The following ARHGEF3 variants were observed in gnomAD, a reference collection of about 807,000 sequenced individuals.
ARHGEF3 encodes the protein 59.8 kDA protein.
A neutral mutation model predicts 63.2 loss-of-function variants in ARHGEF3; 28 were observed. The ratio of observed to expected loss-of-function variants is 0.44; its 90% CI spans 0.33 to 0.61. ARHGEF3 has a LOEUF of 0.61. Among genes scored for constraint, ARHGEF3 ranks in the 20% least tolerant of loss-of-function variants. The probability of loss-of-function intolerance (pLI) is 0.03; values close to 1 mark genes in which losing one functional copy is unlikely to be tolerated. For synonymous variants in ARHGEF3, 266 were observed against 254.2 expected (o/e 1.05, Z -0.44); for missense variants, 533 against 659.3 (o/e 0.81, Z 2.10).
intron 3 of ARHGEF3, among the ~76,000 whole-genome samples, chr3:56,923,827 C>G (rs1407104155): frequency 6.6e-6 from 1 of 152,158 alleles, no homozygotes; most frequent in Non-Finnish European, 1.5e-5. Flanking sequence ...TCCCTTAATT[C>G]AGAATCAGAA....
At chr3:56,730,728 G>A (rs189542332) in intron 9 of ARHGEF3, among the ~76,000 whole-genome samples, 10 of 152,252 alleles carry the variant, frequency 6.6e-5, no homozygotes, top group South Asian at 6.2e-4. Flanking sequence ...AGGGCCCTGC[G>A]TGCCACATGC....
intron 1 of ARHGEF3, among the ~76,000 whole-genome samples, chr3:57,042,700 A>ATTTTTTTTTTTTTT (rs869145503): frequency 4.8e-4 from 32 of 66,092 alleles, no homozygotes; most frequent in South Asian, 1.7e-3. Context: ...ATATATATAT[A>ATTTTTTTTTTTTTT]TTTTTTTTTT....
At chr3:57,000,211 C>A (rs530687744) in intron 2 of ARHGEF3, among the ~76,000 whole-genome samples, 2 of 152,104 alleles carry the variant, frequency 1.3e-5, no homozygotes, top group African/African-American at 2.4e-5. Flanking sequence ...GAGCGCCCCA[C>A]GTATCTTCAG....
In ARHGEF3 at chr3:57,036,061, T is replaced by C. The variant is rs577478069; in HGVS notation, c.-27-885A>G. On this transcript the variant is annotated intron_variant, in intron 1 of 12. Transcript: ENST00000338458. ...GTTATTTGGAGCTTGGTACACACTATGTATGTAGAGACAGGTGAGGCCAAA... is the reference window on the plus strand; with the variant it reads ...GTTATTTGGAGCTTGGTACACACTACGTATGTAGAGACAGGTGAGGCCAAA... Among the ~76,000 whole-genome samples, 197 of 152,276 alleles carry C rather than the reference T, an allele frequency of 1.3e-3. 2 individuals carry two copies. The highest frequency in any genetic ancestry group is 4.5e-3 in the African/African-American group (186 of 41,552).
At chr3:56,966,873 T>TA (rs1700519460) in intron 2 of ARHGEF3, among the ~76,000 whole-genome samples, 1 of 150,726 alleles carries the variant, frequency 6.6e-6, no homozygotes. Flanking sequence ...TTATTATTAT[T>TA]TTTTATTGAG....
intron 1 of ARHGEF3, among the ~76,000 whole-genome samples, chr3:56,801,069 C>T (rs2037626069): frequency 6.6e-6 from 1 of 152,226 alleles, no homozygotes; most frequent in Non-Finnish European, 1.5e-5. Context: ...GGCAGCTTTC[C>T]ATTGACCCTA....
At chr3:56,909,434 C>T (rs1009399403) in intron 3 of ARHGEF3, among the ~76,000 whole-genome samples, 15 of 152,230 alleles carry the variant, frequency 9.9e-5, no homozygotes, top group African/African-American at 3.4e-4. Flanking sequence ...TCCCCAGCAT[C>T]AGGGATGGTT....
chr3:56,876,857 G>A (rs1422084014), intron 4 of ARHGEF3, among the ~76,000 whole-genome samples: 7 of 152,126 alleles, frequency 4.6e-5, no homozygotes. Context: ...CCCTGTCAGG[G>A]GCTTTCCTAA....
intron 2 of ARHGEF3, among the ~76,000 whole-genome samples, chr3:56,966,871 A>AT (rs1700519284): frequency 7.3e-6 from 1 of 137,414 alleles, no homozygotes; most frequent in Non-Finnish European, 1.6e-5. Context: ...TATTATTATT[A>AT]TTTTTTATTG....
At chr3:56,738,451 C>T (rs974492740) in intron 7 of ARHGEF3, among the ~76,000 whole-genome samples, 4 of 151,808 alleles carry the variant, frequency 2.6e-5, no homozygotes, top group Non-Finnish European at 5.9e-5. Context: ...GGATTACAAG[C>T]GTGAGCCACC....
At chr3:57,069,082 C>A (rs1042514952) in intron 1 of ARHGEF3, among the ~76,000 whole-genome samples, 1 of 152,046 alleles carries the variant, frequency 6.6e-6, no homozygotes, top group Non-Finnish European at 1.5e-5. Flanking sequence ...ACCACCACGT[C>A]TGGATAATTT....
At position 56,992,044 on chromosome 3, in the gene ARHGEF3, G is replaced by C. The variant is rs957693908; in HGVS notation, c.63-33155C>G. ...TCTCTCTGTGTGTGTGTGTGTGTGT[G>C]TGTGTGTGTGTGTGTGTGTGTGTGT... is the stretch of plus-strand genomic sequence containing the variant. On this transcript the variant is annotated intron_variant, in intron 2 of 12. Transcript: ENST00000338458. Among the ~76,000 whole-genome samples, 33 of 151,244 alleles carry C rather than the reference G, an allele frequency of 2.2e-4. 2 individuals are homozygous for C. The South Asian group carries it at 3.0e-3, about 14-fold the overall frequency.
At chr3:57,039,064 G>A (rs141066326) in intron 1 of ARHGEF3, among the ~76,000 whole-genome samples, 1 of 152,206 alleles carries the variant, frequency 6.6e-6, no homozygotes, top group African/African-American at 2.4e-5. Flanking sequence ...GGAAAGTTTC[G>A]TGTTAATCTA....
At chr3:56,928,597 G>A (rs2042335329) in intron 3 of ARHGEF3, among the ~76,000 whole-genome samples, 1 of 152,154 alleles carries the variant, frequency 6.6e-6, no homozygotes, top group African/African-American at 2.4e-5. Context: ...GATCTGAAAT[G>A]TGCTCAGGGC....
intron 2 of ARHGEF3, among the ~76,000 whole-genome samples, chr3:56,757,762 G>A (rs377440971): frequency 1.3e-5 from 2 of 149,934 alleles, no homozygotes; most frequent in South Asian, 2.1e-4. Flanking sequence ...TTGCTCTGTC[G>A]CCCAGGCTGG....
intron 2 of ARHGEF3, among the ~76,000 whole-genome samples, chr3:57,004,799 C>T (rs963280388): frequency 2.6e-5 from 4 of 152,034 alleles, no homozygotes; most frequent in Non-Finnish European, 4.4e-5. Context: ...GACCCTGTCT[C>T]CGTTCTAAAA....
chr3:56,999,202 G>C (rs551145106), intron 2 of ARHGEF3, among the ~76,000 whole-genome samples: 5 of 152,110 alleles, frequency 3.3e-5, no homozygotes, highest in African/African-American at 1.2e-4. Flanking sequence ...GGGACTACAG[G>C]TGCCATGCCC....
At chr3:57,042,291 A>G (rs1704218894) in intron 1 of ARHGEF3, among the ~76,000 whole-genome samples, 1 of 152,150 alleles carries the variant, frequency 6.6e-6, no homozygotes, top group Non-Finnish European at 1.5e-5. Flanking sequence ...AGCTAAAACA[A>G]CAAAGCAGAT....
intron 3 of ARHGEF3, among the ~76,000 whole-genome samples, chr3:56,950,548 A>G (rs536541195): frequency 6.7e-4 from 102 of 152,262 alleles, no homozygotes; most frequent in African/African-American, 2.3e-3. Context: ...ATCACTGGCC[A>G]TCAGAGAAAT....
Sources: gnomAD v4.1 joint callset for allele counts (sites outside exome capture counted in the v4.1 genomes callset) on GRCh38, gnomAD v4.1.1 for gene constraint, MANE v1.5 for transcripts, NCBI Gene and HGNC (gene_info 2026-07-23, HGNC 2026-07-21) for gene names.